Variants in NUP155 observed in about 807,000 individuals in gnomAD.
NUP155 encodes nuclear pore complex protein Nup155.
Under a neutral mutation model 180.4 loss-of-function variants are expected in NUP155, and 71 were observed. The ratio of observed to expected loss-of-function variants is 0.39; its 90% confidence interval spans 0.33 to 0.48. NUP155 has a LOEUF of 0.48. NUP155 is among the 20% of genes least tolerant of loss of function. The pLI, the probability that NUP155 is intolerant of heterozygous loss-of-function variation, is 0.91. For synonymous variants in NUP155, 582 were observed against 559.5 expected (o/e 1.04, Z -0.57); for missense variants, 1,553 against 1,648.9 (o/e 0.94, Z 1.01).
chr5:37,318,165 A>T, intron 20 of NUP155, 80 bp from the exon 21 acceptor site: 1 of 895,956 alleles, frequency 1.1e-6, no homozygotes, highest in Non-Finnish European at 1.9e-6. Context: ...TCAAACATTT[A>T]ATATGTTTAC....
chr5:37,292,437 G>A (rs1431669030), intron 34 of NUP155, among the ~76,000 whole-genome samples: 2 of 151,868 alleles, frequency 1.3e-5, no homozygotes, highest in African/African-American at 4.8e-5. Flanking sequence ...GGATGGTCTC[G>A]ATCTCTTGAC....
intron 4 of NUP155, among the ~76,000 whole-genome samples, chr5:37,354,025 A>G (rs189911358): frequency 2.0e-5 from 3 of 152,296 alleles, no homozygotes; most frequent in African/African-American, 2.4e-5. Flanking sequence ...ACAATTTTAG[A>G]AAATAAAACT....
chr5:37,337,970 C>T (rs1237542170), intron 11 of NUP155, 52 bp from the exon 12 acceptor site: 2 of 1,082,282 alleles, frequency 1.8e-6, no homozygotes, highest in East Asian at 4.8e-5. Flanking sequence ...TATGCATCCT[C>T]AATAACCTTA....
Position 37,294,005 on chromosome 5 carries a change from CAAA to C in NUP155, c.3930+321_3930+323del, listed in dbSNP as rs70976294. ...TGGGCAACAGAGCGAGACGCCGTCT[CAAA>C]AAAAAAAAAAAAAAAAAAAATAAAG... On this transcript the variant is annotated intron_variant, in intron 33 of 34. Coordinates refer to ENST00000231498, the MANE Select transcript of NUP155 (RefSeq NM_153485.3). Among the ~76,000 whole-genome samples, 310 of 37,274 alleles carry C rather than the reference CAAA, an allele frequency of 8.3e-3. 9 individuals are homozygous for C. Among genetic ancestry groups the C allele is most frequent in the Middle Eastern group, 0.081 (5 of 62 alleles). The allele number at this position is 37,274 out of a possible 152,430, so 24.5% of individuals were successfully genotyped here.
At position 37,295,896 on chromosome 5, in the gene NUP155, T is replaced by C. The variant is rs1327126858; in HGVS notation, c.3794-1431A>G. ...GAGGTTGGGGGGTCAGCCCCCCGCC[T>C]GGCCAGCCGCCCCGTCCGGGAGGTG... On this transcript the variant is annotated intron_variant, in intron 32 of 34. Transcript: ENST00000231498. Among the ~76,000 whole-genome samples the C allele has an allele frequency of 6.7e-3, 858 of 128,584 alleles. 12 individuals carry two copies. The highest frequency in any genetic ancestry group is 0.025 in the African/African-American group (786 of 31,652). 84.4% of individuals were successfully genotyped at this position (128,584 alleles called of 152,430 possible). A position where few individuals can be genotyped will look rare whatever the true frequency, so the allele number is the denominator to read the frequency against.
chr5:37,332,537 A>T (rs1222484246), intron 13 of NUP155, among the ~76,000 whole-genome samples: 2 of 151,992 alleles, frequency 1.3e-5, no homozygotes, highest in Non-Finnish European at 2.9e-5. Context: ...GTTAGCCAGG[A>T]TGGTGTTTTT....
intron 16 of NUP155, 101 bp downstream of exon 16, chr5:37,329,089 G>T: frequency 1.2e-6 from 1 of 802,398 alleles, no homozygotes; most frequent in Non-Finnish European, 2.2e-6. Context: ...TACAATAGCA[G>T]TAAATAAAAC....
chr5:37,345,654 C>T (rs1451321078), intron 9 of NUP155, among the ~76,000 whole-genome samples: 1 of 151,776 alleles, frequency 6.6e-6, no homozygotes, highest in African/African-American at 2.4e-5. Context: ...CCTGTAATCA[C>T]AACACTTTGG....
In NUP155 at chr5:37,293,766, G is replaced by A. The variant is rs1234265796; in HGVS notation, c.3930+563C>T. On this transcript the variant is annotated intron_variant, in intron 33 of 34. Coordinates refer to ENST00000231498, the MANE Select transcript of NUP155 (RefSeq NM_153485.3). ...TGTAATCCCAGCACTTTGGGAGGCC[G>A]AGGCGGGTGGATCATGAGGTCAGGA... Among the ~76,000 whole-genome samples the A allele has an allele frequency of 3.3e-5, 4 of 121,210 alleles. 1 individual carries two copies. Among genetic ancestry groups the A allele is most frequent in the East Asian group, 2.0e-4 (1 of 5,026 alleles). The allele number at this position is 121,210 out of a possible 152,430, so 79.5% of individuals were successfully genotyped here. A position where few individuals can be genotyped will look rare whatever the true frequency, so the allele number is the denominator to read the frequency against.
rs973247962 is a variant in NUP155, at chr5:37,303,254, C to T, written c.3317+6G>A. 1.1e-5 allele frequency: 17 copies of T among 1,613,588 alleles called. No individual in the cohort carries two copies. The highest frequency in any genetic ancestry group is 1.3e-5 in the African/African-American group (1 of 74,902). On this transcript the variant is annotated splice_donor_region_variant and intron_variant, in intron 28 of 34. Coordinates refer to ENST00000231498, the MANE Select transcript of NUP155 (RefSeq NM_153485.3). ...CATTCTTCACAATAAGAATATTATG[C>T]CATACCTATGCATGTCAGCCAGTCT... is the stretch of plus-strand genomic sequence containing the variant.
intron 9 of NUP155, among the ~76,000 whole-genome samples, chr5:37,348,143 T>A (rs889716873): frequency 5.3e-5 from 8 of 151,082 alleles, no homozygotes; most frequent in South Asian, 4.2e-4. Context: ...TCAAAAAAAA[T>A]ATATATAAAA....
rs755688251 is a variant in NUP155, at chr5:37,314,186, A to T, written c.2436+12T>A. 39 of 1,577,274 alleles carry T rather than the reference A, an allele frequency of 2.5e-5. No homozygotes were observed. The highest frequency in any genetic ancestry group is 1.0e-4 in the South Asian group (9 of 88,952). On this transcript the variant is annotated intron_variant, in intron 22 of 34. Coordinates refer to ENST00000231498, the MANE Select transcript of NUP155 (RefSeq NM_153485.3). ...ATTAATGGTATAATCATAAAAAAATAAAAAAAATTACCTTCTGAAGTTCTG... is the reference window on the plus strand; with the variant it reads ...ATTAATGGTATAATCATAAAAAAATTAAAAAAATTACCTTCTGAAGTTCTG...
rs59572976 is a variant in NUP155, at chr5:37,308,875, CAAAAAAAA to C, written c.2767+246_2767+253del. Reference sequence around the variant, plus strand: ...AGCCTGGCTGACAGAGCGAGACTCTCAAAAAAAAAAAAAAAAAAAAAAAAAAGTACATT... The same window carrying C: ...AGCCTGGCTGACAGAGCGAGACTCTCAAAAAAAAAAAAAAAAAAGTACATT... On this transcript the variant is annotated intron_variant, in intron 24 of 34. Transcript: ENST00000231498. Among the ~76,000 whole-genome samples, 12 of 68,864 alleles carry C rather than the reference CAAAAAAAA, an allele frequency of 1.7e-4. 1 individual carries two copies. The highest frequency in any genetic ancestry group is 4.3e-4 in the South Asian group (1 of 2,302). The allele number at this position is 68,864 out of a possible 152,430, so 45.2% of individuals were successfully genotyped here.
In NUP155 at chr5:37,341,086, T is replaced by G. The variant is rs766173562; in HGVS notation, c.1246+4A>C. On this transcript the variant is annotated splice_donor_region_variant and intron_variant, in intron 11 of 34. Coordinates refer to ENST00000231498, the MANE Select transcript of NUP155 (RefSeq NM_153485.3). ...CTTAAATCTGATAGTATTTCAGAAC[T>G]TACCTTTACTATAAAGAGCTCTATG... The G allele has an allele frequency of 6.2e-7, 1 of 1,604,566 alleles. No homozygotes were observed. The highest frequency in any genetic ancestry group is 8.5e-7 in the Non-Finnish European group (1 of 1,171,414).
chr5:37,329,338 T>A, intron 15 of NUP155, 60 bp from the exon 16 acceptor site: 1 of 1,348,148 alleles, frequency 7.4e-7, no homozygotes, highest in Non-Finnish European at 1.1e-6. Flanking sequence ...TCTTAAAAAC[T>A]GGAATTGTTC....
At chr5:37,317,881 A>G (rs1744001759) in intron 21 of NUP155, 107 bp downstream of exon 21, 1 of 778,060 alleles carries the variant, frequency 1.3e-6, no homozygotes, top group Non-Finnish European at 2.3e-6. Flanking sequence ...AATTACAAAT[A>G]TTTGTGTACA....
chr5:37,341,601 C>T (rs985110780), intron 10 of NUP155, among the ~76,000 whole-genome samples: 2 of 151,996 alleles, frequency 1.3e-5, no homozygotes, highest in African/African-American at 4.8e-5. Context: ...AGTGTAGTGG[C>T]GCGATCTTGG....
Position 37,288,771 on chromosome 5 carries a change from A to AGGGGGGGGGGGG in NUP155, c.*3128_*3129insCCCCCCCCCCCC, listed in dbSNP as rs1554123142. 1 of 57,636 alleles carries AGGGGGGGGGGGG rather than the reference A, an allele frequency of 1.7e-5. No individual in the cohort carries two copies. The highest frequency in any genetic ancestry group is 3.5e-5 in the Non-Finnish European group (1 of 28,600). The allele number at this position is 57,636 out of a possible 1,614,324, so 3.6% of individuals were successfully genotyped here. On this transcript the variant is annotated 3_prime_UTR_variant, in exon 35 of 35. Transcript: ENST00000231498. ...TTAAAAAAAAAAAAAAAAAAAAAGT[A>AGGGGGGGGGGGG]GGGGGGGTGGGGCTAGGCGCAGTGG... is the stretch of plus-strand genomic sequence containing the variant.
intron 1 of NUP155, among the ~76,000 whole-genome samples, chr5:37,366,122 C>T (rs1431563378): frequency 6.6e-6 from 1 of 152,084 alleles, no homozygotes; most frequent in Non-Finnish European, 1.5e-5. Flanking sequence ...CATGGGCAAC[C>T]TTTCTCTTGC....
Sources: gnomAD v4.1 joint callset for allele counts (sites outside exome capture counted in the v4.1 genomes callset) on GRCh38, gnomAD v4.1.1 for gene constraint, MANE v1.5 for transcripts, NCBI Gene and HGNC (gene_info 2026-07-23, HGNC 2026-07-21) for gene names.